The following RBKS variants were observed in gnomAD, a reference collection of about 807,000 sequenced individuals.
RBKS encodes the protein ribokinase.
RBKS carries 33 observed loss-of-function variants against 33.9 expected under a neutral mutation model. The ratio of observed to expected loss-of-function variants is 0.97; its 90% CI spans 0.74 to 1.30. The LOEUF is 1.30. Ranked by LOEUF, RBKS falls within the 50% of genes most tolerant of loss-of-function variation. RBKS has a pLI of 0.00. For missense variants in RBKS, 361 were observed against 392.6 expected (o/e 0.92, Z 0.68); for synonymous variants, 125 against 143.0 (o/e 0.87, Z 0.90).
chr2:27,888,093 T>C (rs182805480), intron 1 of RBKS, among the ~76,000 whole-genome samples: 1 of 152,206 alleles, frequency 6.6e-6, no homozygotes, highest in Non-Finnish European at 1.5e-5. Context: ...CCTGACACTT[T>C]TATTCAGGTA....
chr2:27,853,672 A>G (rs748482037), intron 2 of RBKS, among the ~76,000 whole-genome samples: 2 of 152,050 alleles, frequency 1.3e-5, no homozygotes, highest in Non-Finnish European at 2.9e-5. Context: ...AAAAATAAAG[A>G]CCTTTAATAT....
chr2:27,828,002 G>A (rs1223815170), intron 6 of RBKS, among the ~76,000 whole-genome samples: 1 of 152,190 alleles, frequency 6.6e-6, no homozygotes, highest in African/African-American at 2.4e-5. Context: ...TGATAGCATG[G>A]AATTACTGAC....
intron 7 of RBKS, chr2:27,809,771 AAATGCATGCTAAATAATACAGAGCTACC>A (rs1229430097): frequency 2.6e-6 from 1 of 377,500 alleles, no homozygotes; most frequent in Non-Finnish European, 4.7e-6. Context: ...TCTCCAAGAA[AAATGCATGCTAAATAATACAGAGCTACC>A]AGATTATTAA....
rs1160973543 is a variant in RBKS, at chr2:27,801,991, TA to T, written c.796-20204del. On this transcript the variant is annotated intron_variant, in intron 7 of 7. Transcript: ENST00000302188. The stretch of plus-strand genomic sequence containing the variant: ...ATATATATATATATATATATATATA[TA>T]TTTTTTTTTTTTTTTTTTTTTTTTT... Among the ~76,000 whole-genome samples the T allele has an allele frequency of 9.7e-4, 79 of 81,764 alleles. 1 individual carries two copies. Among genetic ancestry groups the T allele is most frequent in the East Asian group, 2.1e-3 (5 of 2,328 alleles). The allele number at this position is 81,764 out of a possible 152,430, so 53.6% of individuals were successfully genotyped here.
At chr2:27,879,660 A>G (rs1256047660) in intron 1 of RBKS, among the ~76,000 whole-genome samples, 5 of 152,166 alleles carry the variant, frequency 3.3e-5, no homozygotes, top group Non-Finnish European at 7.4e-5. Flanking sequence ...AGGGGATATT[A>G]CCACTGACCC....
At chr2:27,794,117 T>A (rs1397739656) in intron 7 of RBKS, among the ~76,000 whole-genome samples, 1 of 151,798 alleles carries the variant, frequency 6.6e-6, no homozygotes, top group Admixed American at 6.6e-5. Context: ...CTGACTAACA[T>A]GGAGAAACCC....
At chr2:27,847,253 A>G in intron 3 of RBKS, 149 bp from the exon 4 acceptor site, 1 of 548,012 alleles carries the variant, frequency 1.8e-6, no homozygotes, top group Non-Finnish European at 3.3e-6. Context: ...ATTAGTGCTA[A>G]TTTATACCCA....
At chr2:27,876,513 C>G (rs777060874) in intron 1 of RBKS, among the ~76,000 whole-genome samples, 6 of 152,138 alleles carry the variant, frequency 3.9e-5, no homozygotes, top group Non-Finnish European at 7.4e-5. Flanking sequence ...TCTTCAAGTT[C>G]ACTTACCCTT....
intron 7 of RBKS, among the ~76,000 whole-genome samples, chr2:27,807,227 A>G (rs938110457): frequency 6.6e-6 from 1 of 152,256 alleles, no homozygotes; most frequent in African/African-American, 2.4e-5. Flanking sequence ...AACACCTTGC[A>G]CAAATTTACA....
At chr2:27,830,976 T>C (rs1678405240) in intron 6 of RBKS, among the ~76,000 whole-genome samples, 1 of 152,150 alleles carries the variant, frequency 6.6e-6, no homozygotes, top group Non-Finnish European at 1.5e-5. Context: ...AGAGGCCATG[T>C]TTACATGTTC....
chr2:27,875,647 A>G (rs979116361), intron 1 of RBKS, among the ~76,000 whole-genome samples: 1 of 152,224 alleles, frequency 6.6e-6, no homozygotes, highest in Admixed American at 6.5e-5. Flanking sequence ...TGAGTCCAAA[A>G]GATAAGTGTT....
In RBKS at chr2:27,865,318, T is replaced by TCAAA. The variant is rs111615920; in HGVS notation, c.90-6751_90-6748dup. Among the ~76,000 whole-genome samples the TCAAA allele has an allele frequency of 9.8e-3, 1,484 of 152,064 alleles. 13 individuals are homozygous for TCAAA. The highest frequency in any genetic ancestry group is 0.034 in the Middle Eastern group (10 of 294). On this transcript the variant is annotated intron_variant, in intron 1 of 7. Coordinates refer to ENST00000302188, the MANE Select transcript of RBKS (RefSeq NM_022128.3). Reference sequence around the variant, plus strand: ...CTGGGCGACAGAGCGAGACTCCTTCTCAAACAAACAAACAAACAAACAAAC... The same window carrying TCAAA: ...CTGGGCGACAGAGCGAGACTCCTTCTCAAACAAACAAACAAACAAACAAACAAAC...
chr2:27,829,516 A>C (rs1678380764), intron 6 of RBKS, among the ~76,000 whole-genome samples: 2 of 151,468 alleles, frequency 1.3e-5, no homozygotes, highest in African/African-American at 4.9e-5. Context: ...CTACAGGTGC[A>C]TGCCACCACA....
At chr2:27,860,100 T>C (rs1368191196) in intron 1 of RBKS, among the ~76,000 whole-genome samples, 3 of 152,202 alleles carry the variant, frequency 2.0e-5, no homozygotes, top group African/African-American at 7.2e-5. Flanking sequence ...CCCCTTTAAA[T>C]TCTATTTTTA....
At chr2:27,833,146 GTTACT>G (rs1044086675) in intron 5 of RBKS, among the ~76,000 whole-genome samples, 5 of 152,170 alleles carry the variant, frequency 3.3e-5, no homozygotes, top group African/African-American at 1.2e-4. Context: ...ATTTTTGTGG[GTTACT>G]TTAAGTGCTT....
intron 4 of RBKS, among the ~76,000 whole-genome samples, chr2:27,844,686 C>T (rs1176597379): frequency 3.9e-5 from 6 of 152,150 alleles, no homozygotes; most frequent in East Asian, 3.9e-4. Flanking sequence ...TGTGGGCTAC[C>T]GTACCCAGCC....
At chr2:27,883,490 C>T (rs745810200) in intron 1 of RBKS, among the ~76,000 whole-genome samples, 4 of 151,972 alleles carry the variant, frequency 2.6e-5, no homozygotes, top group African/African-American at 7.3e-5. Context: ...TGAGACACCA[C>T]GCCCAGCCTC....
At chr2:27,871,026 A>G (rs1012819349) in intron 1 of RBKS, 2 of 386,476 alleles carry the variant, frequency 5.2e-6, no homozygotes, top group African/African-American at 4.1e-5. Flanking sequence ...TATTTCATCA[A>G]TTTGTCTAGT....
At chr2:27,808,659 C>G (rs1330770226) in intron 7 of RBKS, among the ~76,000 whole-genome samples, 2 of 152,206 alleles carry the variant, frequency 1.3e-5, no homozygotes, top group Admixed American at 1.3e-4. Flanking sequence ...GTCTCAGGGT[C>G]CATTCTCAGC....
Sources: allele counts gnomAD v4.1 joint callset (sites outside exome capture counted in the v4.1 genomes callset), GRCh38; gene constraint gnomAD v4.1.1; transcripts MANE v1.5; gene names NCBI Gene and HGNC (gene_info 2026-07-23, HGNC 2026-07-21).